DGKG: variants seen among roughly 807,000 people sequenced by gnomAD.
DGKG encodes diacylglycerol kinase gamma, also known as DAG kinase gamma.
A neutral mutation model predicts 105.3 loss-of-function variants in DGKG; 78 were observed. The observed-to-expected ratio is 0.74, with a 90% CI of 0.62 to 0.89. DGKG has a LOEUF of 0.89. Ranked by LOEUF, DGKG falls within the 40% of genes least tolerant of loss-of-function variation. The probability of loss-of-function intolerance (pLI) is 0.00; values close to 1 mark genes in which losing one functional copy is unlikely to be tolerated. For missense variants in DGKG, 958 were observed against 1,020.1 expected (o/e 0.94, Z 0.83); for synonymous variants, 346 against 367.1 (o/e 0.94, Z 0.66).
chr3:186,257,828 C>T lies in DGKG; in HGVS notation c.1510+26G>A, dbSNP rs962261357. The T allele has an allele frequency of 5.1e-6, 8 of 1,578,108 alleles. No individual in the cohort carries two copies. The African/African-American group carries it at 1.1e-4, about 21-fold the overall frequency. Reference sequence around the variant, plus strand: ...AAATACGCTTACTATAAATAAGCAGCAAACGCCCTCTCAGCCCATGCTTAC... The same window carrying T: ...AAATACGCTTACTATAAATAAGCAGTAAACGCCCTCTCAGCCCATGCTTAC... On this transcript the variant is annotated intron_variant, in intron 17 of 24. Transcript: ENST00000265022.
At chr3:186,260,173 T>A (rs139824064) in intron 16 of DGKG, among the ~76,000 whole-genome samples, 444 of 152,122 alleles carry the variant, frequency 2.9e-3, no homozygotes, top group African/African-American at 9.2e-3. Context: ...AAATGAAAGG[T>A]GTGTGCAGTT....
At chr3:186,221,756 G>A (rs144311804) in intron 20 of DGKG, among the ~76,000 whole-genome samples, 3 of 152,276 alleles carry the variant, frequency 2.0e-5, no homozygotes, top group East Asian at 1.9e-4. Flanking sequence ...TGAGCCTCTC[G>A]CTGTGGAAGG....
At chr3:186,218,308 T>C (rs1454962860) in intron 20 of DGKG, among the ~76,000 whole-genome samples, 2 of 151,652 alleles carry the variant, frequency 1.3e-5, no homozygotes, top group African/African-American at 2.4e-5. Flanking sequence ...ATCGAGACCA[T>C]CCTGGCTAAC....
Position 186,284,538 on chromosome 3 carries a change from G to T in DGKG, c.594+122C>A. Reference sequence around the variant, plus strand: ...GGTCCTAGTCGGATTTCCTCAGCCTGCATCGAGACATTGCTATTACTACAA... The same window carrying T: ...GGTCCTAGTCGGATTTCCTCAGCCTTCATCGAGACATTGCTATTACTACAA... On this transcript the variant is annotated intron_variant, in intron 7 of 24. Transcript: ENST00000265022. This position sits in a 1 kb window ranked among gnomAD's most constrained non-coding sequence, Gnocchi z 4.0. 1.2e-6 allele frequency: 1 copy of T among 856,196 alleles called. No homozygotes were observed. The allele number at this position is 856,196 out of a possible 1,614,324, so 53.0% of individuals were successfully genotyped here.
Position 186,297,414 on chromosome 3 carries a change from G to A in DGKG, c.373+7C>T, listed in dbSNP as rs777270738. On this transcript the variant is annotated splice_region_variant and intron_variant, in intron 5 of 24. Transcript: ENST00000265022. ...TTTCCCACAAGTCTTATATTCCAAA[G>A]ACTTACCAGTATCAGGGGCACAGGC... is the stretch of plus-strand genomic sequence containing the variant. 5.5e-5 allele frequency: 89 copies of A among 1,607,588 alleles called. 1 individual carries two copies. Among genetic ancestry groups the A allele is most frequent in the Non-Finnish European group, 3.3e-5 (39 of 1,174,134 alleles).
intron 20 of DGKG, among the ~76,000 whole-genome samples, chr3:186,230,937 T>C (rs1450176353): frequency 6.6e-6 from 1 of 152,188 alleles, no homozygotes; most frequent in African/African-American, 2.4e-5. Flanking sequence ...CTCTCTGTTT[T>C]TGGAAGCCTT....
chr3:186,204,758 C>T (rs13067636), intron 21 of DGKG, among the ~76,000 whole-genome samples: 28,864 of 151,990 alleles, frequency 0.19, 3,324 homozygotes, highest in Non-Finnish European at 0.26. Flanking sequence ...TGCTCATGTG[C>T]GAGAAACTCT....
intron 11 of DGKG, 105 bp from the exon 12 acceptor site, chr3:186,269,022 G>A (rs1722193612): frequency 1.3e-6 from 1 of 751,178 alleles, no homozygotes; most frequent in South Asian, 1.6e-5. Context: ...GGAGCCAGAG[G>A]GACTGTTTCC....
intron 21 of DGKG, among the ~76,000 whole-genome samples, chr3:186,200,990 T>A (rs1013373648): frequency 4.0e-5 from 6 of 151,430 alleles, no homozygotes; most frequent in Non-Finnish European, 8.8e-5. Flanking sequence ...GGGGTGGGGG[T>A]GCCCAAATTC....
At chr3:186,201,959 G>C (rs1718487135) in intron 21 of DGKG, among the ~76,000 whole-genome samples, 1 of 152,200 alleles carries the variant, frequency 6.6e-6, no homozygotes, top group Non-Finnish European at 1.5e-5. Context: ...AAGCAGGAAG[G>C]TAATGCAGAG....
chr3:186,250,780 C>A (rs1721181687), intron 19 of DGKG, among the ~76,000 whole-genome samples: 1 of 151,906 alleles, frequency 6.6e-6, no homozygotes, highest in Non-Finnish European at 1.5e-5. Flanking sequence ...GAACTCCTGG[C>A]CTCAGGCAAT....
At position 186,251,867 on chromosome 3, in the gene DGKG, G is replaced by A. The variant is rs753801962; in HGVS notation, c.1653C>T (p.Pro551=). 10 of 1,611,284 alleles carry A rather than the reference G, an allele frequency of 6.2e-6. No individual in the cohort carries two copies. The highest frequency in any genetic ancestry group is 8.5e-6 in the Non-Finnish European group (10 of 1,178,434). The change falls in exon 19 of 25, where the codon CCC becomes CCT. Residue 551 remains proline (P), a synonymous_variant. Transcript: ENST00000265022. ...GATGCCAGCGGTCCAGCATCACCAAGGGGCTCTGCTCAATGTCTTTCAGGA... is the reference window on the plus strand; with the variant it reads ...GATGCCAGCGGTCCAGCATCACCAAAGGGCTCTGCTCAATGTCTTTCAGGA... ...TKILKDIEQS[P]LVMLDRWHLE... is the part of the protein sequence containing the mutation.
At chr3:186,237,241 C>T (rs910754061) in intron 20 of DGKG, among the ~76,000 whole-genome samples, 2 of 152,202 alleles carry the variant, frequency 1.3e-5, no homozygotes, top group African/African-American at 2.4e-5. Context: ...ATTAATTCCT[C>T]TGTCCTTGCC....
chr3:186,261,648 C>T, intron 15 of DGKG, 51 bp downstream of exon 15: 1 of 1,318,700 alleles, frequency 7.6e-7, no homozygotes. Context: ...GGAGGAAGGG[C>T]CTGAGTCGTG....
intron 3 of DGKG, among the ~76,000 whole-genome samples, chr3:186,304,305 T>C (rs1724122784): frequency 6.6e-6 from 1 of 152,216 alleles, no homozygotes; most frequent in Admixed American, 6.5e-5. Flanking sequence ...CTCTGCATGG[T>C]TTCTCCTCAG....
chr3:186,342,549 T>C (rs1726136726), intron 1 of DGKG, among the ~76,000 whole-genome samples: 1 of 152,240 alleles, frequency 6.6e-6, no homozygotes, highest in Non-Finnish European at 1.5e-5. Flanking sequence ...TCTCATTCTT[T>C]ATTTTTTTAT....
chr3:186,287,295 C>T lies in DGKG; in HGVS notation c.544+1415G>A, dbSNP rs1242837029. ...GGTTATATTTAAGAAGAAGAGTCTG[C>T]GATTTTAGAGGTACATACTGAAATA... is the stretch of plus-strand genomic sequence containing the variant. On this transcript the variant is annotated intron_variant, in intron 6 of 24. Coordinates refer to ENST00000265022, the MANE Select transcript of DGKG (RefSeq NM_001346.3). Among the ~76,000 whole-genome samples, 7 of 152,076 alleles carry T rather than the reference C, an allele frequency of 4.6e-5. No homozygotes were observed. In the South Asian group the frequency reaches 8.3e-4, roughly 18 times the overall value.
Position 186,349,064 on chromosome 3 carries a change from G to A in DGKG, c.-249+12882C>T, listed in dbSNP as rs116030878. Among the ~76,000 whole-genome samples the A allele has an allele frequency of 6.0e-3, 903 of 150,942 alleles. 14 individuals are homozygous for A. Among genetic ancestry groups the A allele is most frequent in the African/African-American group, 0.021 (849 of 41,054 alleles). ...TGTTACATAGGTACACATGTGTCACGGTAAATTAAATTAAAAAAAAAAATT... is the reference window on the plus strand; with the variant it reads ...TGTTACATAGGTACACATGTGTCACAGTAAATTAAATTAAAAAAAAAAATT... On this transcript the variant is annotated intron_variant, in intron 1 of 24. Transcript: ENST00000265022.
At chr3:186,268,965 C>A (rs747135891) in intron 11 of DGKG, 48 bp from the exon 12 acceptor site, 1 of 1,373,056 alleles carries the variant, frequency 7.3e-7, no homozygotes, top group South Asian at 1.2e-5. Context: ...AGAACCATGT[C>A]CCCGGGGCCC....
Sources: allele counts gnomAD v4.1 joint callset (sites outside exome capture counted in the v4.1 genomes callset), GRCh38; gene constraint gnomAD v4.1.1; non-coding constraint Gnocchi (gnomAD v3.1); transcripts MANE v1.5; gene names NCBI Gene and HGNC (gene_info 2026-07-23, HGNC 2026-07-21).